Variants in ST3GAL3 observed in about 807,000 individuals in gnomAD.
ST3GAL3 encodes the protein CMP-N-acetylneuraminate-beta-1,4-galactoside alpha-2,3-sialyltransferase.
In ST3GAL3, 21 loss-of-function variants were observed where a neutral mutation model predicts 50.1. That is an observed-to-expected ratio of 0.42 (90% confidence interval 0.30 to 0.60). ST3GAL3 has a LOEUF of 0.60. Among genes scored for constraint, ST3GAL3 ranks in the 20% least tolerant of loss-of-function variants. The pLI is 0.19. For synonymous variants in ST3GAL3, 183 were observed against 190.0 expected (o/e 0.96, Z 0.30); for missense variants, 353 against 489.4 (o/e 0.72, Z 2.63).
chr1:43,778,866 C>T (rs1255315145), intron 2 of ST3GAL3, among the ~76,000 whole-genome samples: 1 of 152,056 alleles, frequency 6.6e-6, no homozygotes, highest in Non-Finnish European at 1.5e-5. Context: ...CCAGGATGGT[C>T]TCGACCTCCT....
rs114094493 is a variant in ST3GAL3, at chr1:43,837,407, A to T, written c.210-812A>T. On this transcript the variant is annotated intron_variant, in intron 4 of 11. Coordinates refer to ENST00000347631, the MANE Select transcript of ST3GAL3 (RefSeq NM_006279.5). ...TGGTTATGTCAGTAGCCCCAGTGAC[A>T]TAATTTATCGTGTCTATATTCGGTC... Among the ~76,000 whole-genome samples, 418 of 152,356 alleles carry T rather than the reference A, an allele frequency of 2.7e-3. 2 individuals carry two copies. Among genetic ancestry groups the T allele is most frequent in the African/African-American group, 9.8e-3 (407 of 41,586 alleles).
At chr1:43,878,630 C>T (rs1393553657) in intron 5 of ST3GAL3, among the ~76,000 whole-genome samples, 2 of 151,968 alleles carry the variant, frequency 1.3e-5, no homozygotes, top group African/African-American at 4.8e-5. Flanking sequence ...GGAGATGAGA[C>T]CAGAGAGGAA....
intron 9 of ST3GAL3, among the ~76,000 whole-genome samples, chr1:43,903,929 A>G (rs2078712413): frequency 6.6e-6 from 1 of 152,200 alleles, no homozygotes; most frequent in Non-Finnish European, 1.5e-5. Context: ...TTAAAATTAG[A>G]TAAGATGAAA....
intron 2 of ST3GAL3, among the ~76,000 whole-genome samples, chr1:43,768,357 C>A (rs533258340): frequency 1.4e-4 from 22 of 152,318 alleles, no homozygotes; most frequent in Non-Finnish European, 2.8e-4. Context: ...AGGAGACTCA[C>A]TTGAGCCCAG....
At chr1:43,867,586 G>A (rs1316353429) in intron 5 of ST3GAL3, among the ~76,000 whole-genome samples, 2 of 144,344 alleles carry the variant, frequency 1.4e-5, no homozygotes, top group African/African-American at 5.2e-5. Flanking sequence ...GTGTGGGGAA[G>A]GTGTGTTAAC....
In ST3GAL3 at chr1:43,899,165, C is replaced by T. The variant is rs759902147; in HGVS notation, c.462-3C>T. On this transcript the variant is annotated splice_region_variant and splice_polypyrimidine_tract_variant and intron_variant, in intron 7 of 11. Transcript: ENST00000347631. This position sits in a 1 kb window ranked among gnomAD's most constrained non-coding sequence, Gnocchi z 5.4. ...ACAGAGGTCTCCGCCTCTCTCCCCT[C>T]AGCCTCCGCTGCCGCCGCTGCATCA... is the stretch of plus-strand genomic sequence containing the variant. 1 of 1,614,150 alleles carries T rather than the reference C, an allele frequency of 6.2e-7. No individual in the cohort carries two copies. The highest frequency in any genetic ancestry group is 8.5e-7 in the Non-Finnish European group (1 of 1,180,036).
intron 4 of ST3GAL3, among the ~76,000 whole-genome samples, chr1:43,832,456 A>T (rs938520242): frequency 2.0e-5 from 3 of 152,194 alleles, no homozygotes; most frequent in Non-Finnish European, 4.4e-5. Flanking sequence ...CATGATGGCA[A>T]AAGCTGTAGA....
In ST3GAL3 at chr1:43,926,980, C is replaced by G. The variant is rs543580621; in HGVS notation, c.1039-3152C>G. ...TGTTCCATCTCTTCTTTGTCTCATG[C>G]TCCCACTCCACTGATTCAAACATGT... On this transcript the variant is annotated intron_variant, in intron 11 of 11. Transcript: ENST00000347631. Among the ~76,000 whole-genome samples the G allele has an allele frequency of 2.1e-3, 326 of 152,322 alleles. 3 individuals carry two copies. Among genetic ancestry groups the G allele is most frequent in the Non-Finnish European group, 2.5e-3 (169 of 68,014 alleles).
At position 43,899,468 on chromosome 1, in the gene ST3GAL3, G is replaced by T; in HGVS notation, c.558-73G>T. On this transcript the variant is annotated intron_variant, in intron 8 of 11. Transcript: ENST00000347631. The surrounding 1 kb of genome is among the most constrained non-coding windows in gnomAD (Gnocchi z 5.4). Reference sequence around the variant, plus strand: ...GTGACCTGGACTCCCTATTCTCCATGCCTGGGATAGTCTGGGGTCATGGTG... The same window carrying T: ...GTGACCTGGACTCCCTATTCTCCATTCCTGGGATAGTCTGGGGTCATGGTG... The T allele has an allele frequency of 6.3e-7, 1 of 1,599,982 alleles. No individual in the cohort carries two copies. The highest frequency in any genetic ancestry group is 8.5e-7 in the Non-Finnish European group (1 of 1,175,402).
At chr1:43,790,387 G>A (rs889663801) in intron 2 of ST3GAL3, among the ~76,000 whole-genome samples, 3 of 152,150 alleles carry the variant, frequency 2.0e-5, no homozygotes, top group Non-Finnish European at 2.9e-5. Context: ...GGTGCCATTT[G>A]CATCCGGCTG....
intron 1 of ST3GAL3, among the ~76,000 whole-genome samples, chr1:43,712,161 G>A (rs552515341): frequency 1.3e-5 from 2 of 152,324 alleles, no homozygotes; most frequent in South Asian, 4.1e-4. Flanking sequence ...AATTAAACAA[G>A]TCAGTTCATG....
At chr1:43,725,176 TACC>T (rs1672325275) in intron 1 of ST3GAL3, among the ~76,000 whole-genome samples, 1 of 152,164 alleles carries the variant, frequency 6.6e-6, no homozygotes, top group Non-Finnish European at 1.5e-5. Flanking sequence ...TGCAACTCTT[TACC>T]TGCATGCTTT....
At chr1:43,811,273 C>G (rs1019420196) in intron 3 of ST3GAL3, among the ~76,000 whole-genome samples, 4 of 152,302 alleles carry the variant, frequency 2.6e-5, no homozygotes, top group East Asian at 1.9e-4. Context: ...CTCCCAGCTA[C>G]TAGCTGCTGC....
chr1:43,713,559 T>G (rs1665826748), intron 1 of ST3GAL3, among the ~76,000 whole-genome samples: 1 of 127,306 alleles, frequency 7.9e-6, no homozygotes, highest in African/African-American at 2.9e-5. Context: ...AAGTACTCAC[T>G]CTATCACCCA....
chr1:43,824,803 A>G, intron 4 of ST3GAL3: 1 of 1,403,336 alleles, frequency 7.1e-7, no homozygotes, highest in South Asian at 1.2e-5. Flanking sequence ...AGCCTAAAAA[A>G]TTACTGATGC....
At chr1:43,757,102 A>G (rs1165106439) in intron 2 of ST3GAL3, among the ~76,000 whole-genome samples, 1 of 151,996 alleles carries the variant, frequency 6.6e-6, no homozygotes, top group Non-Finnish European at 1.5e-5. Context: ...ATGGGGTTTC[A>G]CCATGTTGGC....
In ST3GAL3 at chr1:43,774,792, A is replaced by T. The variant is rs143012589; in HGVS notation, c.119-17310A>T. Reference sequence around the variant, plus strand: ...TTCATTAATTTCTCACTCAGCAAATACATATTGAGTGTCTGCTGTGTGTCA... The same window carrying T: ...TTCATTAATTTCTCACTCAGCAAATTCATATTGAGTGTCTGCTGTGTGTCA... On this transcript the variant is annotated intron_variant, in intron 2 of 11. Transcript: ENST00000347631. Among the ~76,000 whole-genome samples the T allele has an allele frequency of 1.7e-4, 26 of 152,342 alleles. No individual in the cohort carries two copies. In the East Asian group the frequency reaches 4.4e-3, roughly 26 times the overall value.
At chr1:43,802,692 G>T (rs1381455856) in intron 3 of ST3GAL3, among the ~76,000 whole-genome samples, 1 of 152,172 alleles carries the variant, frequency 6.6e-6, no homozygotes, top group Non-Finnish European at 1.5e-5. Flanking sequence ...ATTTTTCATG[G>T]AACATAATTT....
chr1:43,888,858 G>A (rs2076321084), intron 5 of ST3GAL3, among the ~76,000 whole-genome samples: 1 of 152,132 alleles, frequency 6.6e-6, no homozygotes, highest in Admixed American at 6.5e-5. Context: ...CTGTGGAGGG[G>A]AATTTGGCAG....
Sources: allele counts gnomAD v4.1 joint callset (sites outside exome capture counted in the v4.1 genomes callset), GRCh38; gene constraint gnomAD v4.1.1; non-coding constraint Gnocchi (gnomAD v3.1); transcripts MANE v1.5; gene names NCBI Gene and HGNC (gene_info 2026-07-23, HGNC 2026-07-21).